Variants in AREL1 observed in about 807,000 individuals in gnomAD.
AREL1 encodes apoptosis resistant E3 ubiquitin protein ligase 1.
Under a neutral mutation model 99.0 loss-of-function variants are expected in AREL1, and 62 were observed. That is an observed-to-expected ratio of 0.63 (90% confidence interval 0.51 to 0.77). The LOEUF (loss-of-function observed/expected upper bound fraction) is 0.77, where lower values mean the gene tolerates loss of function less well. AREL1 is among the 30% of genes least tolerant of loss of function. AREL1 has a pLI of 0.00. For missense variants in AREL1, 879 were observed against 1,027.6 expected, an observed-to-expected ratio of 0.86 and a Z score of 1.98; for synonymous variants, 380 against 376.5, an observed-to-expected ratio of 1.01 and a Z score of -0.11.
intron 17 of AREL1, 130 bp downstream of exon 17, chr14:74,667,189 C>T: frequency 9.5e-7 from 1 of 1,056,720 alleles, no homozygotes; most frequent in Non-Finnish European, 1.4e-6. Context: ...GGAGGAGCGA[C>T]AAAAGTGAAA....
rs1390636462 is a variant in AREL1, at chr14:74,689,589, TTTC to T, written c.-46+2449_-46+2451del. Among the ~76,000 whole-genome samples the T allele has an allele frequency of 1.8e-4, 26 of 143,878 alleles. 4 individuals are homozygous for T. Among genetic ancestry groups the T allele is most frequent in the Admixed American group, 2.8e-4 (4 of 14,138 alleles). 94.4% of individuals were successfully genotyped at this position (143,878 alleles called of 152,430 possible). ...TTGTTTTTATTTATCTTATAGCACT[TTTC>T]TTTTTTTTTTTTTTTTTTTTTTGGG... On this transcript the variant is annotated intron_variant, in intron 2 of 19. Coordinates refer to ENST00000356357, the MANE Select transcript of AREL1 (RefSeq NM_001039479.2).
intron 5 of AREL1, among the ~76,000 whole-genome samples, chr14:74,678,517 G>A (rs897805551): frequency 2.3e-4 from 34 of 151,070 alleles, no homozygotes; most frequent in Admixed American, 1.7e-3. Flanking sequence ...AAGAAAAGAA[G>A]AGGGAGCTAC....
chr14:74,699,456 C>T (rs1399217165), intron 1 of AREL1, among the ~76,000 whole-genome samples: 1 of 151,862 alleles, frequency 6.6e-6, no homozygotes, highest in African/African-American at 2.4e-5. Flanking sequence ...AATAGAATGG[C>T]GTCCCATCCA....
intron 11 of AREL1, 76 bp downstream of exon 11, chr14:74,672,755 A>T: frequency 1.3e-6 from 2 of 1,589,076 alleles, no homozygotes; most frequent in Non-Finnish European, 1.7e-6. Flanking sequence ...ACAAAAACAA[A>T]AACAGTAACC....
rs765704156 is a variant in AREL1, at chr14:74,663,410, C to T, written c.*310G>A. ...CCAGTTTCCCAACAGGGCTGAGCCC[C>T]GTGTGCCATCTCCCTCAGCTACTGA... is the stretch of plus-strand genomic sequence containing the variant. On this transcript the variant is annotated 3_prime_UTR_variant, in exon 20 of 20. Transcript: ENST00000356357. The T allele has an allele frequency of 7.8e-6, 3 of 382,210 alleles. No homozygotes were observed. Among genetic ancestry groups the T allele is most frequent in the African/African-American group, 2.1e-5 (1 of 48,302 alleles). The allele number at this position is 382,210 out of a possible 1,614,324, so 23.7% of individuals were successfully genotyped here. A position where few individuals can be genotyped will look rare whatever the true frequency, so the allele number is the denominator to read the frequency against.
intron 8 of AREL1, among the ~76,000 whole-genome samples, chr14:74,674,495 G>T (rs572820557): frequency 1.3e-5 from 2 of 152,066 alleles, no homozygotes; most frequent in Admixed American, 6.5e-5. Context: ...CCAAGTACTC[G>T]GGAGGCTGAG....
Position 74,692,135 on chromosome 14 carries a change from T to C in AREL1, c.-140A>G, listed in dbSNP as rs1359844896. ...GCCCCTTTCACCTTGTCTTCCAACT[T>C]CCACATGAAAGAAAAACGCCACAAG... On this transcript the variant is annotated 5_prime_UTR_variant, in exon 2 of 20. Transcript: ENST00000356357. The C allele has an allele frequency of 2.2e-6, 1 of 444,660 alleles. No homozygotes were observed. Among genetic ancestry groups the C allele is most frequent in the East Asian group, 7.1e-5 (1 of 14,096 alleles). 27.5% of individuals were successfully genotyped at this position (444,660 alleles called of 1,614,324 possible).
At chr14:74,710,666 G>A (rs941874862) in intron 1 of AREL1, among the ~76,000 whole-genome samples, 4 of 152,074 alleles carry the variant, frequency 2.6e-5, no homozygotes, top group African/African-American at 9.7e-5. Context: ...AGAAAGATTA[G>A]GAACTTCTAG....
intron 1 of AREL1, among the ~76,000 whole-genome samples, chr14:74,696,663 T>TA (rs1226481554): frequency 6.6e-6 from 1 of 151,948 alleles, no homozygotes; most frequent in East Asian, 1.9e-4. Flanking sequence ...GGGCCCTCTC[T>TA]AAAAAAATAA....
intron 1 of AREL1, among the ~76,000 whole-genome samples, chr14:74,711,718 C>T (rs1238474010): frequency 6.6e-6 from 1 of 151,922 alleles, no homozygotes; most frequent in African/African-American, 2.4e-5. Flanking sequence ...CTGATAACAT[C>T]CCAATAAAAG....
chr14:74,668,619 C>A (rs2089260650), intron 15 of AREL1, among the ~76,000 whole-genome samples: 3 of 152,078 alleles, frequency 2.0e-5, no homozygotes, highest in Admixed American at 6.5e-5. Context: ...CCTTACCATG[C>A]CAGCTCAGGA....
chr14:74,690,750 C>T (rs139238897), intron 2 of AREL1, among the ~76,000 whole-genome samples: 216 of 152,162 alleles, frequency 1.4e-3, no homozygotes, highest in Middle Eastern at 3.4e-3. Context: ...TGTCCTTGAC[C>T]TTTATAAATA....
chr14:74,673,308 C>T, intron 9 of AREL1, 90 bp from the exon 10 acceptor site: 1 of 1,346,230 alleles, frequency 7.4e-7, no homozygotes. Context: ...CAACCAACAA[C>T]AATAAGTTAG....
intron 5 of AREL1, among the ~76,000 whole-genome samples, chr14:74,681,801 A>T (rs967457456): frequency 1.4e-4 from 19 of 139,036 alleles, no homozygotes; most frequent in Admixed American, 4.3e-4. Flanking sequence ...AGAAAGAAAC[A>T]GGTTGGGGGG....
intron 6 of AREL1, 52 bp from the exon 7 acceptor site, chr14:74,676,373 A>G: frequency 3.2e-6 from 5 of 1,582,412 alleles, no homozygotes; most frequent in Non-Finnish European, 4.3e-6. Context: ...TCCCATTTAC[A>G]AGCCACTTTA....
intron 2 of AREL1, among the ~76,000 whole-genome samples, chr14:74,687,662 T>C (rs950377631): frequency 6.6e-6 from 1 of 152,208 alleles, no homozygotes; most frequent in Non-Finnish European, 1.5e-5. Flanking sequence ...TTTCCTTATA[T>C]GTACCTCACG....
In AREL1 at chr14:74,674,119, A is replaced by G; in HGVS notation, c.1081-8T>C. The G allele has an allele frequency of 1.2e-6, 2 of 1,610,068 alleles. No homozygotes were observed. The highest frequency in any genetic ancestry group is 3.3e-5 in the Admixed American group (2 of 59,946). ...CTCCTTCACTGAGAATTGCTGGAGG[A>G]CCAACAGACAGGAAATGAAGTGAAT... On this transcript the variant is annotated splice_region_variant and splice_polypyrimidine_tract_variant and intron_variant, in intron 8 of 19. Coordinates refer to ENST00000356357, the MANE Select transcript of AREL1 (RefSeq NM_001039479.2).
chr14:74,674,189 T>C (rs1566683510), intron 8 of AREL1, 78 bp from the exon 9 acceptor site: 4 of 1,178,186 alleles, frequency 3.4e-6, no homozygotes, highest in African/African-American at 3.0e-5. Flanking sequence ...TCAAATATCA[T>C]AGTCCCTATT....
chr14:74,710,863 C>T (rs999002088), intron 1 of AREL1, among the ~76,000 whole-genome samples: 2 of 152,212 alleles, frequency 1.3e-5, no homozygotes, highest in African/African-American at 4.8e-5. Context: ...TGCGATTGAG[C>T]ATCCCAGGAC....
Sources: allele counts gnomAD v4.1 joint callset (sites outside exome capture counted in the v4.1 genomes callset), GRCh38; gene constraint gnomAD v4.1.1; transcripts MANE v1.5; gene names NCBI Gene and HGNC (gene_info 2026-07-23, HGNC 2026-07-21).